Variants in MTREX observed in about 807,000 individuals in gnomAD.
MTREX encodes Mtr4 exosome RNA helicase.
In MTREX, 76 loss-of-function variants were observed where a neutral mutation model predicts 135.4. The ratio of observed to expected loss-of-function variants is 0.56; its 90% CI spans 0.47 to 0.68. The LOEUF is 0.68. Among genes scored for constraint, MTREX ranks in the 30% least tolerant of loss-of-function variants. The pLI, the probability that MTREX is intolerant of heterozygous loss-of-function variation, is 0.00. For missense variants in MTREX, 920 were observed against 1,262.1 expected, an observed-to-expected ratio of 0.73 and a Z score of 4.11; for synonymous variants, 404 against 401.6, an observed-to-expected ratio of 1.01 and a Z score of -0.07.
At chr5:55,311,561 C>T (rs1749111962) in intron 1 of MTREX, among the ~76,000 whole-genome samples, 1 of 152,184 alleles carries the variant, frequency 6.6e-6, no homozygotes, top group Admixed American at 6.5e-5. Context: ...TCTTAAACTG[C>T]CATTTAACTT....
chr5:55,408,917 T>TTTTTTTTA (rs1750845653), intron 22 of MTREX, among the ~76,000 whole-genome samples: 1 of 144,244 alleles, frequency 6.9e-6, no homozygotes, highest in Non-Finnish European at 1.5e-5. Context: ...TGAACAATAT[T>TTTTTTTTA]TTTATTTATT....
intron 18 of MTREX, among the ~76,000 whole-genome samples, chr5:55,387,632 CTCAA>C (rs1267665036): frequency 2.0e-5 from 3 of 152,012 alleles, no homozygotes; most frequent in South Asian, 4.1e-4. Context: ...ATAATCTATT[CTCAA>C]TCTATTATGT....
At chr5:55,372,840 T>C (rs1452430505) in intron 16 of MTREX, among the ~76,000 whole-genome samples, 3 of 150,264 alleles carry the variant, frequency 2.0e-5, no homozygotes, top group Non-Finnish European at 3.0e-5. Context: ...ACCAAAAGCA[T>C]GAACAACAGA....
intron 13 of MTREX, among the ~76,000 whole-genome samples, chr5:55,351,955 G>A (rs943153745): frequency 2.0e-5 from 3 of 151,592 alleles, no homozygotes; most frequent in African/African-American, 7.3e-5. Flanking sequence ...CCAAGTAGCT[G>A]GGACTACAGG....
chr5:55,342,102 G>T (rs576391649), intron 7 of MTREX, among the ~76,000 whole-genome samples: 1 of 152,004 alleles, frequency 6.6e-6, no homozygotes, highest in African/African-American at 2.4e-5. Context: ...TAGAGATGGC[G>T]TCTCACAACG....
chr5:55,356,428 G>T, intron 14 of MTREX: 1 of 207,398 alleles, frequency 4.8e-6, no homozygotes, highest in Non-Finnish European at 1.0e-5. Flanking sequence ...TTGGTGCTCT[G>T]GCAGTGTGAG....
chr5:55,392,422 A>G (rs182434452), intron 19 of MTREX, among the ~76,000 whole-genome samples: 30 of 152,018 alleles, frequency 2.0e-4, no homozygotes, highest in African/African-American at 6.3e-4. Flanking sequence ...GTGCGCTGGT[A>G]GCTTCAGCTA....
chr5:55,424,598 C>T (rs1751118562), intron 26 of MTREX, 122 bp from the exon 27 acceptor site: 1 of 656,386 alleles, frequency 1.5e-6, no homozygotes, highest in Non-Finnish European at 2.8e-6. Context: ...AGGTGTTTGA[C>T]TTTCTAGGCT....
chr5:55,325,667 A>G (rs1056450607), intron 3 of MTREX, among the ~76,000 whole-genome samples: 2 of 151,932 alleles, frequency 1.3e-5, no homozygotes, highest in African/African-American at 2.4e-5. Flanking sequence ...GGTTTGTTAC[A>G]TGGGTATATC....
At chr5:55,422,818 A>G in intron 25 of MTREX, 60 bp from the exon 26 acceptor site, 1 of 1,397,476 alleles carries the variant, frequency 7.2e-7, no homozygotes. Flanking sequence ...CCTCTTAACA[A>G]AAATTCTGCT....
intron 19 of MTREX, among the ~76,000 whole-genome samples, chr5:55,389,046 G>A (rs967651079): frequency 6.6e-6 from 1 of 152,060 alleles, no homozygotes; most frequent in Non-Finnish European, 1.5e-5. Flanking sequence ...TTTAAATGAC[G>A]ATTTAAATGT....
chr5:55,396,709 C>T (rs947027521), intron 19 of MTREX, among the ~76,000 whole-genome samples: 1 of 152,134 alleles, frequency 6.6e-6, no homozygotes, highest in Non-Finnish European at 1.5e-5. Context: ...CGTTTTTGTT[C>T]AGTAAAGCAC....
Position 55,307,996 on chromosome 5 carries a change from C to A in MTREX, c.-18C>A, listed in dbSNP as rs762289552. The A allele has an allele frequency of 9.9e-6, 16 of 1,614,118 alleles. No homozygotes were observed. The highest frequency in any genetic ancestry group is 1.4e-5 in the Non-Finnish European group (16 of 1,180,022). ...GCATCGTGGGTAGGAGGGAGATTTG[C>A]TCTCACTGCTCCCAAAAATGGCGGA... On this transcript the variant is annotated 5_prime_UTR_variant, in exon 1 of 27. Transcript: ENST00000230640.
At chr5:55,355,356 T>C (rs1038021487) in intron 14 of MTREX, among the ~76,000 whole-genome samples, 18 of 152,168 alleles carry the variant, frequency 1.2e-4, no homozygotes, top group Admixed American at 1.1e-3. Flanking sequence ...ATCCTAATGG[T>C]GAACCCCCTG....
chr5:55,397,503 C>CG lies in MTREX; in HGVS notation c.2269_2270insG (p.Gln757ArgfsTer16). 1.9e-6 allele frequency: 3 copies of CG among 1,605,922 alleles called. No individual in the cohort carries two copies. The highest frequency in any genetic ancestry group is 2.6e-6 in the Non-Finnish European group (3 of 1,173,726). ...AGACCTTCGGCCGGTGGACAATAGA[C>CG]AGAGTGTTTTAAAATCAATACAGGT... is the stretch of plus-strand genomic sequence containing the variant. On this transcript the variant is annotated frameshift_variant, in exon 20 of 27. Transcript: ENST00000230640. LOFTEE classifies it high-confidence loss of function.
chr5:55,402,515 A>ATTTT (rs1168970265), intron 21 of MTREX, among the ~76,000 whole-genome samples: 2,093 of 152,292 alleles, frequency 0.014, 45 homozygotes, highest in African/African-American at 0.047. Flanking sequence ...TATACTGAAA[A>ATTTT]AGACCTTGTC....
chr5:55,361,771 T>G (rs2112081414), intron 15 of MTREX, among the ~76,000 whole-genome samples: 1 of 151,816 alleles, frequency 6.6e-6, no homozygotes, highest in South Asian at 2.1e-4. Flanking sequence ...TTTTTTTTTT[T>G]TAATAGAGAC....
chr5:55,404,946 G>C (rs1001883651), intron 21 of MTREX, among the ~76,000 whole-genome samples: 1 of 151,940 alleles, frequency 6.6e-6, no homozygotes. Context: ...TGGGACTACA[G>C]GCATGCGCCC....
chr5:55,355,256 C>T (rs976566149), intron 14 of MTREX, among the ~76,000 whole-genome samples: 2 of 152,134 alleles, frequency 1.3e-5, no homozygotes, highest in African/African-American at 4.8e-5. Flanking sequence ...CAGATAGCAC[C>T]TTCATGCCAC....
Sources: gnomAD v4.1 joint callset for allele counts (sites outside exome capture counted in the v4.1 genomes callset) on GRCh38, gnomAD v4.1.1 for gene constraint, MANE v1.5 for transcripts, NCBI Gene and HGNC (gene_info 2026-07-23, HGNC 2026-07-21) for gene names.